OGFOD3: variants seen among roughly 807,000 people sequenced by gnomAD.
OGFOD3 encodes 2-oxoglutarate and iron dependent oxygenase domain containing 3.
OGFOD3 carries 35 observed loss-of-function variants against 39.8 expected under a neutral mutation model. That is an observed-to-expected ratio of 0.88 (90% CI 0.67 to 1.17). The LOEUF (loss-of-function observed/expected upper bound fraction) is 1.17. OGFOD3 is among the 50% of genes most tolerant of loss of function. The probability of loss-of-function intolerance (pLI) is 0.00; values close to 1 mark genes in which losing one functional copy is unlikely to be tolerated. For missense variants in OGFOD3, 438 were observed against 454.5 expected, an observed-to-expected ratio of 0.96 and a Z score of 0.33; for synonymous variants, 200 against 192.0, an observed-to-expected ratio of 1.04 and a Z score of -0.34.
chr17:82,392,049 G>GCCGGGGGGTTGCTGAACCTGGACGAGTC lies in OGFOD3; in HGVS notation c.*321_*348dup. 6.1e-5 allele frequency: 18 copies of GCCGGGGGGTTGCTGAACCTGGACGAGTC among 293,642 alleles called. No individual in the cohort carries two copies. The highest frequency in any genetic ancestry group is 3.4e-4 in the African/African-American group (15 of 44,278). The allele number at this position is 293,642 out of a possible 1,614,324, so 18.2% of individuals were successfully genotyped here. On this transcript the variant is annotated 3_prime_UTR_variant, in exon 9 of 9. Coordinates refer to ENST00000313056, the MANE Select transcript of OGFOD3 (RefSeq NM_024648.3). This position sits in a 1 kb window ranked among gnomAD's most constrained non-coding sequence, Gnocchi z 4.2. ...TGATGCTTTAGCCAGTCTTTGATGG[G>GCCGGGGGGTTGCTGAACCTGGACGAGTC]CCGGGGGGTTGCTGAACCTGGACGA...
In OGFOD3 at chr17:82,398,189, C is replaced by T; in HGVS notation, c.823+7G>A. 1 of 1,613,980 alleles carries T rather than the reference C, an allele frequency of 6.2e-7. No individual in the cohort carries two copies. The highest frequency in any genetic ancestry group is 1.1e-5 in the South Asian group (1 of 91,084). ...CCCCACGCCCAGGCCCCGCCCGCGC[C>T]TCCTACCAGCTCTCGGCTCCACCGT... On this transcript the variant is annotated splice_region_variant and intron_variant, in intron 8 of 8. Coordinates refer to ENST00000313056, the MANE Select transcript of OGFOD3 (RefSeq NM_024648.3).
chr17:82,403,784 A>T lies in OGFOD3; in HGVS notation c.699+153T>A, dbSNP rs890930172. The T allele has an allele frequency of 1.2e-5, 12 of 982,518 alleles. No individual in the cohort carries two copies. In the East Asian group the frequency reaches 3.0e-4, roughly 25 times the overall value. The allele number at this position is 982,518 out of a possible 1,614,324, so 60.9% of individuals were successfully genotyped here. ...GCGCGCTCACCCTGCCCACGTGCGT[A>T]CTCACCCTGCCCACGTACGCACTCA... is the stretch of plus-strand genomic sequence containing the variant. On this transcript the variant is annotated intron_variant, in intron 7 of 8. Transcript: ENST00000313056.
At chr17:82,400,843 T>A (rs1446995709) in intron 7 of OGFOD3, 1 of 152,162 alleles carries the variant, frequency 6.6e-6, no homozygotes, top group Non-Finnish European at 1.5e-5. Context: ...TGAAGTAAAG[T>A]CTCTGCTAAT....
intron 1 of OGFOD3, among the ~76,000 whole-genome samples, chr17:82,417,066 T>A (rs186810102): frequency 7.1e-4 from 108 of 152,344 alleles, no homozygotes; most frequent in African/African-American, 2.5e-3. Context: ...TGGAAATTTT[T>A]AAAATGTATT....
chr17:82,405,310 T>C lies in OGFOD3; in HGVS notation c.545+14A>G. 1 of 1,580,214 alleles carries C rather than the reference T, an allele frequency of 6.3e-7. No homozygotes were observed. Among genetic ancestry groups the C allele is most frequent in the South Asian group, 1.1e-5 (1 of 90,394 alleles). On this transcript the variant is annotated intron_variant, in intron 6 of 8. Coordinates refer to ENST00000313056, the MANE Select transcript of OGFOD3 (RefSeq NM_024648.3). ...CCCCGCCTGCGAACCCCCACCCGCC[T>C]CACTCCTCCTTACCGGTATAACCGG...
rs116376991 is a variant in OGFOD3, at chr17:82,397,718, G to A, written c.823+478C>T. 5.3e-3 allele frequency among the ~76,000 whole-genome samples: 812 copies of A among 152,192 alleles called. 7 individuals are homozygous for A. The highest frequency in any genetic ancestry group is 0.019 in the African/African-American group (769 of 41,514). ...GGCTCTGGGACTCTGGGACTGCAAGGTCCAGTGTGATGGGTTCTGAAGCCG... is the reference window on the plus strand; with the variant it reads ...GGCTCTGGGACTCTGGGACTGCAAGATCCAGTGTGATGGGTTCTGAAGCCG... On this transcript the variant is annotated intron_variant, in intron 8 of 8. Transcript: ENST00000313056.
Position 82,406,333 on chromosome 17 carries a change from C to T in OGFOD3, c.488+85G>A, listed in dbSNP as rs557673919. The T allele has an allele frequency of 1.7e-5, 21 of 1,242,580 alleles. No homozygotes were observed. In the Admixed American group the frequency reaches 1.7e-4, roughly 10 times the overall value. The allele number at this position is 1,242,580 out of a possible 1,614,324, so 77.0% of individuals were successfully genotyped here. A position where few individuals can be genotyped will look rare whatever the true frequency, so the allele number is the denominator to read the frequency against. On this transcript the variant is annotated intron_variant, in intron 5 of 8. Transcript: ENST00000313056. This position sits in a 1 kb window ranked among gnomAD's most constrained non-coding sequence, Gnocchi z 5.2. Reference sequence around the variant, plus strand: ...AGCCGGATCCTCCCTCACATGTCCACGTGTCCACATGTCCATGGCTAAGAG... The same window carrying T: ...AGCCGGATCCTCCCTCACATGTCCATGTGTCCACATGTCCATGGCTAAGAG...
At chr17:82,399,841 G>C (rs1477629498) in intron 7 of OGFOD3, among the ~76,000 whole-genome samples, 1 of 152,208 alleles carries the variant, frequency 6.6e-6, no homozygotes, top group East Asian at 1.9e-4. Flanking sequence ...CTGCAAAGGG[G>C]AGGGCGCATC....
chr17:82,393,441 G>T (rs761037584), intron 8 of OGFOD3: 3 of 152,250 alleles, frequency 2.0e-5, no homozygotes, highest in Non-Finnish European at 4.4e-5. Flanking sequence ...CAGTTGCACT[G>T]TGCCTGGAAA....
chr17:82,395,831 A>G (rs181129844), intron 8 of OGFOD3, among the ~76,000 whole-genome samples: 358 of 152,356 alleles, frequency 2.3e-3, no homozygotes, highest in Middle Eastern at 0.017. Context: ...AAAAGAAAAA[A>G]AAAAGTCTCC....
intron 7 of OGFOD3, among the ~76,000 whole-genome samples, chr17:82,403,184 T>C (rs999104416): frequency 6.6e-6 from 1 of 152,122 alleles, no homozygotes; most frequent in African/African-American, 2.4e-5. Context: ...AGGTTAAGCA[T>C]CAGTCTGTTA....
chr17:82,414,380 C>T (rs990114420), intron 2 of OGFOD3, among the ~76,000 whole-genome samples: 1 of 152,216 alleles, frequency 6.6e-6, no homozygotes, highest in African/African-American at 2.4e-5. Flanking sequence ...TCAAGCGATC[C>T]TCCTGCCTGG....
intron 7 of OGFOD3, among the ~76,000 whole-genome samples, chr17:82,403,652 T>C (rs934444074): frequency 6.6e-6 from 1 of 152,116 alleles, no homozygotes; most frequent in South Asian, 2.1e-4. Flanking sequence ...CCTAACACCA[T>C]GCACACAGCA....
At chr17:82,395,799 C>T (rs1006879414) in intron 8 of OGFOD3, among the ~76,000 whole-genome samples, 1 of 152,004 alleles carries the variant, frequency 6.6e-6, no homozygotes, top group Non-Finnish European at 1.5e-5. Flanking sequence ...CCAGCCTGGG[C>T]GACAGAGCGA....
intron 2 of OGFOD3, among the ~76,000 whole-genome samples, chr17:82,414,993 C>T (rs2053009546): frequency 6.6e-6 from 1 of 152,138 alleles, no homozygotes; most frequent in Admixed American, 6.5e-5. Flanking sequence ...ATCTCTCAGG[C>T]CCAGGCAGAA....
intron 1 of OGFOD3, among the ~76,000 whole-genome samples, chr17:82,417,750 T>C (rs1320411786): frequency 6.6e-6 from 1 of 152,130 alleles, no homozygotes; most frequent in Non-Finnish European, 1.5e-5. Context: ...TTAAGAGTTA[T>C]TGCAGTCTAT....
At chr17:82,413,370 C>T (rs375075572) in intron 2 of OGFOD3, among the ~76,000 whole-genome samples, 5 of 152,256 alleles carry the variant, frequency 3.3e-5, no homozygotes, top group East Asian at 1.9e-4. Flanking sequence ...AAAGCACAGA[C>T]GCTGCTGGGT....
In OGFOD3 at chr17:82,415,737, C is replaced by T. The variant is rs556434966; in HGVS notation, c.75-110G>A. Reference sequence around the variant, plus strand: ...TGACCCGGCCTTCACTCACACGTCACCCCTGAAACGAGGGCTTCCTGCCTG... The same window carrying T: ...TGACCCGGCCTTCACTCACACGTCATCCCTGAAACGAGGGCTTCCTGCCTG... On this transcript the variant is annotated intron_variant, in intron 1 of 8. Transcript: ENST00000313056. The surrounding 1 kb of genome is among the most constrained non-coding windows in gnomAD (Gnocchi z 5.3). 5 of 961,300 alleles carry T rather than the reference C, an allele frequency of 5.2e-6. No homozygotes were observed. The highest frequency in any genetic ancestry group is 7.6e-6 in the Non-Finnish European group (5 of 661,056). 59.5% of individuals were successfully genotyped at this position (961,300 alleles called of 1,614,324 possible).
At chr17:82,413,235 T>C (rs1318458792) in intron 2 of OGFOD3, among the ~76,000 whole-genome samples, 1 of 152,168 alleles carries the variant, frequency 6.6e-6, no homozygotes, top group Non-Finnish European at 1.5e-5. Flanking sequence ...TGGCGCAGCC[T>C]CTGTACTAGC....
Sources: gnomAD v4.1 joint callset for allele counts (sites outside exome capture counted in the v4.1 genomes callset) on GRCh38, gnomAD v4.1.1 for gene constraint, Gnocchi (gnomAD v3.1) non-coding constraint, MANE v1.5 for transcripts, NCBI Gene and HGNC (gene_info 2026-07-23, HGNC 2026-07-21) for gene names.